The following ADCY10 variants were observed in gnomAD, a reference collection of about 807,000 sequenced individuals.
The protein encoded by ADCY10 is adenylate cyclase 10.
In ADCY10, 156 loss-of-function variants were observed where a neutral mutation model predicts 183.3. That is an observed-to-expected ratio of 0.85 (90% CI 0.75 to 0.97). The LOEUF is 0.97. Ranked by LOEUF, ADCY10 falls within the 50% of genes least tolerant of loss-of-function variation. The probability of loss-of-function intolerance (pLI) is 0.00; values close to 1 mark genes in which losing one functional copy is unlikely to be tolerated. For synonymous variants in ADCY10, 645 were observed against 670.0 expected, an observed-to-expected ratio of 0.96 and a Z score of 0.58; for missense variants, 1,745 against 1,934.3, an observed-to-expected ratio of 0.90 and a Z score of 1.84.
At chr1:167,839,045 T>C (rs907035301) in intron 21 of ADCY10, among the ~76,000 whole-genome samples, 3 of 152,222 alleles carry the variant, frequency 2.0e-5, no homozygotes, top group Non-Finnish European at 4.4e-5. Context: ...CCTCAGTCCA[T>C]TACCAAAATT....
chr1:167,860,497 A>G (rs1163149021), intron 15 of ADCY10, among the ~76,000 whole-genome samples: 1 of 152,222 alleles, frequency 6.6e-6, no homozygotes, highest in East Asian at 1.9e-4. Context: ...CTAACAGGCC[A>G]TGAACTAGTA....
intron 1 of ADCY10, among the ~76,000 whole-genome samples, chr1:167,911,555 TAGCCGATCGGGAC>T (rs1238957392): frequency 1.3e-5 from 2 of 152,232 alleles, no homozygotes; most frequent in East Asian, 3.8e-4. Flanking sequence ...TCTAAGTTGC[TAGCCGATCGGGAC>T]AAATACAGAA....
intron 21 of ADCY10, among the ~76,000 whole-genome samples, chr1:167,838,758 C>T (rs111343893): frequency 1.6e-3 from 250 of 152,314 alleles, no homozygotes; most frequent in Non-Finnish European, 3.1e-3. Context: ...TTGGCAACTG[C>T]CATTTGAATG....
intron 32 of ADCY10, 34 bp from the exon 33 acceptor site, chr1:167,809,873 A>G: frequency 6.2e-7 from 1 of 1,607,634 alleles, no homozygotes; most frequent in Non-Finnish European, 8.5e-7. Flanking sequence ...AGAAATCATT[A>G]GTGCTTCTTG....
In ADCY10 at chr1:167,822,045, A is replaced by G. The variant is rs774328227; in HGVS notation, c.4265T>C (p.Leu1422Pro). 2.5e-6 allele frequency: 4 copies of G among 1,591,730 alleles called. No individual in the cohort carries two copies. In the South Asian group the frequency reaches 4.4e-5, roughly 18 times the overall value. The change falls in exon 30 of 33, where the codon CTT (leucine) becomes CCT (proline). Residue 1422 changes from leucine (L) to proline (P), a missense_variant. Physicochemically the swap from Leu to Pro is moderately conservative, Grantham distance 98 (BLOSUM62 -3). Transcript: ENST00000367851. ...TTACCAGATAGCTACAGAGGAATAAAGTCCCAGGAGGAGTCCACTGTGGAA... is the reference window on the plus strand; with the variant it reads ...TTACCAGATAGCTACAGAGGAATAAGGTCCCAGGAGGAGTCCACTGTGGAA... Reference protein sequence around the residue: ...LKFHSGLLLGLYSSVAIWYAR... With the variant: ...LKFHSGLLLGPYSSVAIWYAR...
chr1:167,875,304 C>T (rs1667374209), intron 12 of ADCY10, 118 bp from the exon 13 acceptor site: 1 of 1,045,954 alleles, frequency 9.6e-7, no homozygotes, highest in South Asian at 1.3e-5. Context: ...AAGAGTCTAT[C>T]CCCTGACTCA....
chr1:167,893,096 TA>T (rs1668712067), intron 8 of ADCY10, among the ~76,000 whole-genome samples: 1 of 152,150 alleles, frequency 6.6e-6, no homozygotes, highest in African/African-American at 2.4e-5. Flanking sequence ...ATTAAGAGAA[TA>T]AAAAGAGAAA....
At chr1:167,833,257 TC>T (rs1663908631) in intron 24 of ADCY10, 95 bp from the exon 25 acceptor site, 2 of 1,206,200 alleles carry the variant, frequency 1.7e-6, no homozygotes, top group South Asian at 2.5e-5. Flanking sequence ...GGGATTCTTA[TC>T]AAAAAAGGTA....
chr1:167,882,101 T>C (rs1667902766), intron 9 of ADCY10, among the ~76,000 whole-genome samples: 1 of 152,236 alleles, frequency 6.6e-6, no homozygotes, highest in African/African-American at 2.4e-5. Flanking sequence ...CTGCTTTTAA[T>C]ACACAAAAGG....
In ADCY10 at chr1:167,818,171, G is replaced by T. The variant is rs376100922; in HGVS notation, c.4383C>A (p.Asp1461Glu). 3 of 1,613,966 alleles carry T rather than the reference G, an allele frequency of 1.9e-6. No homozygotes were observed. The highest frequency in any genetic ancestry group is 2.7e-5 in the African/African-American group (2 of 74,910). The change falls in exon 31 of 33, where the codon GAC becomes GAA. Residue 1461 changes from aspartate (D) to glutamate (E), a missense_variant. Physicochemically the swap from Asp to Glu is conservative, Grantham distance 45. Coordinates refer to ENST00000367851, the MANE Select transcript of ADCY10 (RefSeq NM_018417.6). ...PRRTMTLTYY[D>E]GISRYMEGQV... ...GCCCCTCCATGTACCTAGATATTCC[G>T]TCATAGTAAGTAAGTGTCATGGTTC... is the stretch of plus-strand genomic sequence containing the variant.
Position 167,862,264 on chromosome 1 carries a change from G to A in ADCY10, c.1617-1201C>T, listed in dbSNP as rs541482978. Among the ~76,000 whole-genome samples, 5 of 152,296 alleles carry A rather than the reference G, an allele frequency of 3.3e-5. No homozygotes were observed. In the East Asian group the frequency reaches 5.8e-4, roughly 18 times the overall value. ...TGTGACCTTATTTGAAAAGAGAGTC[G>A]TTGCAGATACAATTAGTTAAGATGA... On this transcript the variant is annotated intron_variant, in intron 14 of 32. Coordinates refer to ENST00000367851, the MANE Select transcript of ADCY10 (RefSeq NM_018417.6).
At chr1:167,882,663 G>C (rs1337214564) in intron 9 of ADCY10, among the ~76,000 whole-genome samples, 1 of 151,942 alleles carries the variant, frequency 6.6e-6, no homozygotes, top group Non-Finnish European at 1.5e-5. Flanking sequence ...GAAACCCCTG[G>C]GTAATACATC....
chr1:167,809,941 C>A, intron 32 of ADCY10, 102 bp from the exon 33 acceptor site: 1 of 1,205,568 alleles, frequency 8.3e-7, no homozygotes, highest in Non-Finnish European at 1.2e-6. Flanking sequence ...TTGGTAAAAA[C>A]CATGTGAACC....
intron 18 of ADCY10, among the ~76,000 whole-genome samples, chr1:167,853,457 T>C (rs1665647106): frequency 6.6e-6 from 1 of 152,160 alleles, no homozygotes; most frequent in African/African-American, 2.4e-5. Flanking sequence ...TTGCCTCACA[T>C]GTTCAAGACT....
intron 12 of ADCY10, among the ~76,000 whole-genome samples, chr1:167,875,792 T>C (rs1407224114): frequency 6.6e-6 from 1 of 151,648 alleles, no homozygotes; most frequent in Non-Finnish European, 1.5e-5. Context: ...CTACCAAAAA[T>C]ACAAAAAGAA....
At chr1:167,884,769 C>T (rs532809275) in intron 8 of ADCY10, among the ~76,000 whole-genome samples, 65 of 149,474 alleles carry the variant, frequency 4.3e-4, no homozygotes, top group South Asian at 1.3e-3. Flanking sequence ...GCGATCTCGG[C>T]TCACTGCAAC....
chr1:167,901,093 C>T (rs554858497), intron 5 of ADCY10, among the ~76,000 whole-genome samples: 17 of 152,102 alleles, frequency 1.1e-4, no homozygotes, highest in Non-Finnish European at 1.9e-4. Context: ...ATATAGTGTG[C>T]GTAATGTTTG....
chr1:167,854,834 G>C (rs1224160122), intron 17 of ADCY10, among the ~76,000 whole-genome samples: 5 of 152,154 alleles, frequency 3.3e-5, no homozygotes, highest in Non-Finnish European at 7.4e-5. Context: ...TAAACAGAGA[G>C]AGGGGGAGAG....
At position 167,823,043 on chromosome 1, in the gene ADCY10, A is replaced by G. The variant is rs369284643; in HGVS notation, c.4133T>C (p.Phe1378Ser). 1.2e-6 allele frequency: 2 copies of G among 1,614,126 alleles called. No homozygotes were observed. The highest frequency in any genetic ancestry group is 2.2e-5 in the East Asian group (1 of 44,874). Residue 1378 changes from phenylalanine to serine, a missense_variant, in exon 29 of 33, where the codon TTC (phenylalanine) becomes TCC (serine). Transcript: ENST00000367851. Reference sequence around the variant, plus strand: ...CAGGATGTCCAAGCAGACAAAATAGAAAAATGCCTTGCTGAAGATGTGTTC... The same window carrying G: ...CAGGATGTCCAAGCAGACAAAATAGGAAAATGCCTTGCTGAAGATGTGTTC... ...TQEHIFSKAF[F>S]YFVCLDILLY...
Sources: gnomAD v4.1 joint callset for allele counts (sites outside exome capture counted in the v4.1 genomes callset) on GRCh38, gnomAD v4.1.1 for gene constraint, MANE v1.5 for transcripts, NCBI Gene and HGNC (gene_info 2026-07-23, HGNC 2026-07-21) for gene names.